MEIS1: variants seen among roughly 807,000 people sequenced by gnomAD.
The protein encoded by MEIS1 is homeobox protein Meis1.
MEIS1 carries 5 observed loss-of-function variants against 50.8 expected under a neutral mutation model. The ratio of observed to expected loss-of-function variants is 0.10; its 90% CI spans 0.05 to 0.21. The LOEUF (loss-of-function observed/expected upper bound fraction) is 0.21, where lower values mean the gene tolerates loss of function less well. Among genes scored for constraint, MEIS1 ranks in the 10% least tolerant of loss-of-function variants. MEIS1 has a pLI of 1.00. For missense variants in MEIS1, 318 were observed against 517.3 expected (o/e 0.61, Z 3.74); for synonymous variants, 176 against 179.3 (o/e 0.98, Z 0.15).
At chr2:66,465,725 T>C (rs188391691) in intron 7 of MEIS1, among the ~76,000 whole-genome samples, 7 of 152,230 alleles carry the variant, frequency 4.6e-5, no homozygotes, top group South Asian at 2.1e-4. Flanking sequence ...AGCTGCTGCA[T>C]TGAAGGCTTG....
chr2:66,498,018 GAA>G (rs139673644), intron 7 of MEIS1, among the ~76,000 whole-genome samples: 1 of 151,388 alleles, frequency 6.6e-6, no homozygotes, highest in African/African-American at 2.4e-5. Flanking sequence ...GAAAACAATA[GAA>G]AAAAAATGGT....
intron 9 of MEIS1, among the ~76,000 whole-genome samples, chr2:66,558,279 C>CAAAAAAAAAAAAAAAAA (rs59017279): frequency 2.3e-4 from 13 of 57,094 alleles, no homozygotes; most frequent in East Asian, 1.7e-3. Flanking sequence ...AACTCCATCT[C>CAAAAAAAAAAAAAAAAA]AAAAAAAAAA....
intron 8 of MEIS1, among the ~76,000 whole-genome samples, chr2:66,525,152 G>T (rs1674218335): frequency 6.6e-6 from 1 of 152,162 alleles, no homozygotes; most frequent in Non-Finnish European, 1.5e-5. Flanking sequence ...GGTGGAGGTT[G>T]CAGTGAGCCA....
intron 12 of MEIS1, chr2:66,570,286 T>C (rs1276135887): frequency 6.6e-6 from 1 of 152,202 alleles, no homozygotes; most frequent in Admixed American, 6.5e-5. Flanking sequence ...TATTGTTTCT[T>C]AGTTTCTGGG....
chr2:66,511,518 C>G (rs1020906449), intron 7 of MEIS1, among the ~76,000 whole-genome samples: 3 of 152,152 alleles, frequency 2.0e-5, no homozygotes, highest in Admixed American at 2.0e-4. Flanking sequence ...ATTTGATTTA[C>G]ACAGTAATTG....
At chr2:66,460,481 C>G (rs1426539710) in intron 6 of MEIS1, among the ~76,000 whole-genome samples, 1 of 152,144 alleles carries the variant, frequency 6.6e-6, no homozygotes. Flanking sequence ...AGAATCATAG[C>G]TTGCTTCAAA....
intron 8 of MEIS1, among the ~76,000 whole-genome samples, chr2:66,542,546 A>G (rs1053721077): frequency 6.6e-5 from 10 of 152,330 alleles, no homozygotes; most frequent in African/African-American, 2.4e-4. Context: ...CTTTTAAAGT[A>G]TAGCATGTAA....
chr2:66,492,290 A>G (rs1013766450), intron 7 of MEIS1, among the ~76,000 whole-genome samples: 2 of 151,974 alleles, frequency 1.3e-5, no homozygotes, highest in Non-Finnish European at 2.9e-5. Context: ...ACAACTCCAC[A>G]TGTTCCGTAG....
intron 8 of MEIS1, among the ~76,000 whole-genome samples, chr2:66,527,983 C>A (rs1674298939): frequency 6.6e-6 from 1 of 152,152 alleles, no homozygotes; most frequent in Non-Finnish European, 1.5e-5. Flanking sequence ...TGGATCTAAT[C>A]TCTGGTGCAG....
chr2:66,534,869 G>A (rs943183628), intron 8 of MEIS1, among the ~76,000 whole-genome samples: 1 of 152,096 alleles, frequency 6.6e-6, no homozygotes, highest in African/African-American at 2.4e-5. Context: ...TTTAGAAGGG[G>A]CAAATGTCAC....
chr2:66,521,632 A>T (rs941308570), intron 8 of MEIS1, among the ~76,000 whole-genome samples: 1 of 152,210 alleles, frequency 6.6e-6, no homozygotes, highest in African/African-American at 2.4e-5. Context: ...GTTTCCATAA[A>T]CAGTGGTAAT....
intron 8 of MEIS1, among the ~76,000 whole-genome samples, chr2:66,544,373 C>G (rs1030329562): frequency 7.9e-5 from 12 of 151,998 alleles, no homozygotes; most frequent in African/African-American, 2.9e-4. Flanking sequence ...AGTTTAAAAG[C>G]CTACTTCTTT....
intron 8 of MEIS1, among the ~76,000 whole-genome samples, chr2:66,528,061 G>T (rs1199640671): frequency 1.3e-5 from 2 of 152,146 alleles, no homozygotes; most frequent in Non-Finnish European, 2.9e-5. Context: ...AGAAGGCTGT[G>T]CTGTGGGAGT....
intron 9 of MEIS1, among the ~76,000 whole-genome samples, chr2:66,551,491 G>A (rs1572898230): frequency 6.6e-6 from 1 of 152,078 alleles, no homozygotes; most frequent in East Asian, 1.9e-4. Context: ...AAAATGGTTG[G>A]CATCAGTACT....
At chr2:66,506,269 C>T (rs972100774) in intron 7 of MEIS1, among the ~76,000 whole-genome samples, 1 of 152,186 alleles carries the variant, frequency 6.6e-6, no homozygotes. Context: ...AAATCAGCTA[C>T]AGTCCAGCAA....
At chr2:66,438,732 G>T (rs1330903190) in intron 2 of MEIS1, among the ~76,000 whole-genome samples, 2 of 152,134 alleles carry the variant, frequency 1.3e-5, no homozygotes, top group Non-Finnish European at 2.9e-5. Flanking sequence ...TGTGCCTACT[G>T]TGTGCCGATG....
chr2:66,570,295 G>A (rs764178983), intron 12 of MEIS1: 5 of 151,894 alleles, frequency 3.3e-5, no homozygotes, highest in Non-Finnish European at 5.9e-5. Flanking sequence ...TTAGTTTCTG[G>A]GTCAATTAAA....
intron 8 of MEIS1, among the ~76,000 whole-genome samples, chr2:66,522,475 T>A (rs1369200617): frequency 2.0e-5 from 3 of 152,180 alleles, no homozygotes; most frequent in Non-Finnish European, 4.4e-5. Flanking sequence ...TTGCCAACAA[T>A]GTATTTGATG....
chr2:66,454,093 G>T (rs1275763196), intron 6 of MEIS1, among the ~76,000 whole-genome samples: 1 of 151,950 alleles, frequency 6.6e-6, no homozygotes, highest in East Asian at 1.9e-4. Context: ...GTAAAATGGG[G>T]ATAGTAACAG....
Sources: allele counts gnomAD v4.1 joint callset (sites outside exome capture counted in the v4.1 genomes callset), GRCh38; gene constraint gnomAD v4.1.1; transcripts MANE v1.5; gene names NCBI Gene and HGNC (gene_info 2026-07-23, HGNC 2026-07-21).